KATNAL2: variants seen among roughly 807,000 people sequenced by gnomAD.
KATNAL2 encodes the protein katanin catalytic subunit A1 like 2, also known as katanin p60 ATPase-containing subunit A-like 2.
KATNAL2 carries 52 observed loss-of-function variants against 76.3 expected under a neutral mutation model. The observed-to-expected ratio is 0.68, with a 90% confidence interval of 0.55 to 0.86. The LOEUF (loss-of-function observed/expected upper bound fraction) is 0.86. Ranked by LOEUF, KATNAL2 falls within the 40% of genes least tolerant of loss-of-function variation. KATNAL2 has a pLI of 0.00. For synonymous variants in KATNAL2, 243 were observed against 244.2 expected (o/e 1.00, Z 0.05); for missense variants, 660 against 668.9 (o/e 0.99, Z 0.15).
chr18:47,038,665 A>G (rs937362224), intron 3 of KATNAL2, among the ~76,000 whole-genome samples: 2 of 152,230 alleles, frequency 1.3e-5, no homozygotes, highest in Non-Finnish European at 2.9e-5. Context: ...TTCTTTCAAT[A>G]CCTTACCAAA....
intron 3 of KATNAL2, among the ~76,000 whole-genome samples, chr18:47,031,584 A>G (rs989348548): frequency 1.3e-5 from 2 of 152,174 alleles, no homozygotes; most frequent in Non-Finnish European, 2.9e-5. Context: ...GTGTTTCCAG[A>G]CTTCCAGCTA....
Position 47,035,303 on chromosome 18 carries a change from G to T in KATNAL2, c.52-11154G>T, listed in dbSNP as rs571463925. 11 of 1,611,302 alleles carry T rather than the reference G, an allele frequency of 6.8e-6. No individual in the cohort carries two copies. In the Admixed American group the frequency reaches 1.8e-4, roughly 27 times the overall value. On this transcript the variant is annotated intron_variant, in intron 3 of 17. Transcript: ENST00000683218. ...TGCAGGCGTCGCTGTCCCGGCGGTC[G>T]CAGCTCTGTCTTTGGGGCTGCGGGA...
intron 6 of KATNAL2, 112 bp downstream of exon 6, chr18:47,054,550 G>A: frequency 9.5e-7 from 1 of 1,047,788 alleles, no homozygotes; most frequent in Non-Finnish European, 1.5e-6. Flanking sequence ...AATACTGACT[G>A]CAGTCATGTG....
intron 1 of KATNAL2, among the ~76,000 whole-genome samples, chr18:46,926,758 T>C (rs2058739822): frequency 6.6e-6 from 1 of 152,146 alleles, no homozygotes; most frequent in Admixed American, 6.6e-5. Flanking sequence ...GCTTTATGAA[T>C]CTGGGTGCTC....
intron 3 of KATNAL2, chr18:47,035,267 C>T: frequency 6.2e-7 from 1 of 1,612,726 alleles, no homozygotes; most frequent in Non-Finnish European, 8.5e-7. Context: ...GCCGCCATCT[C>T]ACCAGAGCTG....
chr18:47,052,856 CT>C, intron 4 of KATNAL2, 23 bp from the exon 5 acceptor site: 1 of 1,551,394 alleles, frequency 6.4e-7, no homozygotes, highest in Non-Finnish European at 8.7e-7. Flanking sequence ...TTAATTTCTT[CT>C]TTTTATTCTG....
chr18:46,918,857 ACCCACAT>A (rs1213338020), intron 1 of KATNAL2, among the ~76,000 whole-genome samples: 1 of 151,678 alleles, frequency 6.6e-6, no homozygotes, highest in Admixed American at 6.6e-5. Flanking sequence ...ACCATCCCTC[ACCCACAT>A]CCCACATTTT....
intron 3 of KATNAL2, chr18:46,968,945 C>CTT (rs1211597837): frequency 2.4e-6 from 2 of 840,230 alleles, no homozygotes; most frequent in African/African-American, 2.4e-5. Flanking sequence ...CTCTTGCCTC[C>CTT]TGGAAGCATC....
Position 47,067,095 on chromosome 18 carries a change from A to G in KATNAL2, c.801A>G (p.Lys267=), listed in dbSNP as rs2061837668. 6.3e-7 allele frequency: 1 copy of G among 1,581,832 alleles called. No homozygotes were observed. Among genetic ancestry groups the G allele is most frequent in the Non-Finnish European group, 8.6e-7 (1 of 1,157,862 alleles). The change falls in exon 11 of 18, where the codon AAA becomes AAG. Residue 267 remains lysine (K), a synonymous_variant. Transcript: ENST00000683218. ...TTGATGCAGCCAAGCAGTTAGTCAA[A>G]GAAGCTGTTGTGTATCCTATAAGGG... ...IGLDAAKQLV[K]EAVVYPIRYP... is the part of the protein sequence containing the mutation.
chr18:47,053,183 C>T (rs2061384488), intron 5 of KATNAL2, 137 bp downstream of exon 5: 1 of 681,476 alleles, frequency 1.5e-6, no homozygotes, highest in Admixed American at 2.8e-5. Context: ...TAGCCATTCT[C>T]ATATCCAGCA....
chr18:47,071,153 C>T (rs1250237247), intron 13 of KATNAL2, among the ~76,000 whole-genome samples: 2 of 152,138 alleles, frequency 1.3e-5, no homozygotes, highest in Non-Finnish European at 2.9e-5. Flanking sequence ...ATGCACACCA[C>T]CAAGCCCAGC....
chr18:47,034,603 A>T, intron 3 of KATNAL2: 2 of 1,614,152 alleles, frequency 1.2e-6, no homozygotes, highest in Non-Finnish European at 1.7e-6. Flanking sequence ...GCTGTGGCTC[A>T]CAACGGCTTT....
rs1175534827 is a variant in KATNAL2 at position 46,952,860 on chromosome 18, T to TTCCC, written c.51+5951_51+5954dup. Among the ~76,000 whole-genome samples the TTCCC allele has an allele frequency of 1.1e-4, 16 of 150,382 alleles. No homozygotes were observed. In the South Asian group the frequency reaches 3.0e-3, roughly 28 times the overall value. ...TCCTTCCTCCCTTCTCTTTGTTTCC[T>TTCCC]TCCCTCCCTCCCTCCCTGCTTCCTT... On this transcript the variant is annotated intron_variant, in intron 3 of 17. Transcript: ENST00000683218.
chr18:47,087,940 T>C (rs1037985718), intron 15 of KATNAL2, among the ~76,000 whole-genome samples: 9 of 152,128 alleles, frequency 5.9e-5, no homozygotes, highest in African/African-American at 2.2e-4. Context: ...TGTACCATAA[T>C]TTATTTGACT....
At chr18:47,062,211 C>A (rs2061655295) in intron 8 of KATNAL2, among the ~76,000 whole-genome samples, 1 of 151,976 alleles carries the variant, frequency 6.6e-6, no homozygotes, top group African/African-American at 2.4e-5. Context: ...AGAGACCCCA[C>A]TTCTGCAAAA....
rs2061692337 is a variant in KATNAL2, at chr18:47,063,305, A to G, written c.670A>G (p.Ser224Gly). ...TCAGGAACGACTGCTGAAACCTCTG[A>G]GTGCATTTATTGGCATGAACAGTGA... Reference protein sequence around the residue: ...DPSERLLKPLSAFIGMNSEMR... With the variant: ...DPSERLLKPLGAFIGMNSEMR... The change falls in exon 10 of 18, where the codon AGT becomes GGT. Residue 224 changes from serine to glycine, a missense_variant. Transcript: ENST00000683218. 3 of 1,613,798 alleles carry G rather than the reference A, an allele frequency of 1.9e-6. No homozygotes were observed. The highest frequency in any genetic ancestry group is 8.5e-7 in the Non-Finnish European group (1 of 1,179,906).
At chr18:47,069,456 C>A (rs1349017861) in intron 12 of KATNAL2, 26 bp from the exon 13 acceptor site, 3 of 1,551,568 alleles carry the variant, frequency 1.9e-6, no homozygotes, top group Non-Finnish European at 2.7e-6. Flanking sequence ...GAAATGCCTG[C>A]TCATCTTTTA....
intron 1 of KATNAL2, among the ~76,000 whole-genome samples, chr18:46,945,357 A>G (rs938429309): frequency 6.6e-6 from 1 of 152,376 alleles, no homozygotes; most frequent in South Asian, 2.1e-4. Context: ...AGAAAACGCC[A>G]TTGAGTTATC....
At chr18:46,925,251 G>A (rs1180019768) in intron 1 of KATNAL2, among the ~76,000 whole-genome samples, 2 of 152,076 alleles carry the variant, frequency 1.3e-5, no homozygotes, top group Non-Finnish European at 2.9e-5. Flanking sequence ...TTTGAGATAC[G>A]TCCCATCAGT....
Sources: gnomAD v4.1 joint callset for allele counts (sites outside exome capture counted in the v4.1 genomes callset) on GRCh38, gnomAD v4.1.1 for gene constraint, MANE v1.5 for transcripts, NCBI Gene and HGNC (gene_info 2026-07-23, HGNC 2026-07-21) for gene names.